Variants in USP15 observed in about 807,000 individuals in gnomAD.
The protein encoded by USP15 is ubiquitin carboxyl-terminal hydrolase 15.
A neutral mutation model predicts 127.1 loss-of-function variants in USP15; 18 were observed. The observed-to-expected ratio is 0.14, with a 90% CI of 0.10 to 0.21. The LOEUF is 0.21. USP15 is among the 10% of genes least tolerant of loss of function. The pLI is 1.00. For missense variants in USP15, 805 were observed against 1,159.9 expected, an observed-to-expected ratio of 0.69 and a Z score of 4.44; for synonymous variants, 364 against 393.7, an observed-to-expected ratio of 0.92 and a Z score of 0.89.
At position 62,392,340 on chromosome 12, in the gene USP15, C is replaced by T; in HGVS notation, c.2373C>T (p.Cys791=). 1 of 1,606,504 alleles carries T rather than the reference C, an allele frequency of 6.2e-7. No homozygotes were observed. Among genetic ancestry groups the T allele is most frequent in the Non-Finnish European group, 8.5e-7 (1 of 1,177,512 alleles). ...AACCCTTTGTGAAATTAAAAGATTG[C>T]ATTGAACTTTTTACAACAAAAGAAA... ...PKKPFVKLKD[C]IELFTTKEKL... is the part of the protein sequence containing the mutation. Residue 791 remains cysteine, a synonymous_variant, in exon 18 of 22, where the codon TGC becomes TGT. Transcript: ENST00000280377.
At chr12:62,347,715 G>A (rs1398972913) in intron 6 of USP15, among the ~76,000 whole-genome samples, 1 of 151,922 alleles carries the variant, frequency 6.6e-6, no homozygotes, top group African/African-American at 2.4e-5. Flanking sequence ...GAGAAAACTT[G>A]GTTGATTCTA....
At chr12:62,394,037 G>GC (rs1458551671) in intron 19 of USP15, among the ~76,000 whole-genome samples, 1 of 152,028 alleles carries the variant, frequency 6.6e-6, no homozygotes, top group Non-Finnish European at 1.5e-5. Context: ...TATATCTATG[G>GC]CCATACCACC....
intron 1 of USP15, among the ~76,000 whole-genome samples, chr12:62,266,658 G>A (rs970173806): frequency 2.0e-5 from 3 of 152,064 alleles, no homozygotes; most frequent in East Asian, 1.9e-4. Context: ...AGGGAAATAA[G>A]GGGAAGATAG....
At chr12:62,329,602 CAAAG>C (rs1320653022) in intron 6 of USP15, among the ~76,000 whole-genome samples, 1 of 151,558 alleles carries the variant, frequency 6.6e-6, no homozygotes, top group Non-Finnish European at 1.5e-5. Flanking sequence ...TTAACAGAAA[CAAAG>C]AACAATAGCT....
chr12:62,268,603 G>A (rs578249167), intron 1 of USP15, among the ~76,000 whole-genome samples: 7 of 152,072 alleles, frequency 4.6e-5, no homozygotes, highest in Non-Finnish European at 1.0e-4. Flanking sequence ...CCCCATTTCT[G>A]TTGTTTCAGA....
At chr12:62,311,761 G>A (rs2064687757) in intron 3 of USP15, among the ~76,000 whole-genome samples, 1 of 151,724 alleles carries the variant, frequency 6.6e-6, no homozygotes, top group Non-Finnish European at 1.5e-5. Flanking sequence ...GAATAGGAAA[G>A]ATGGAGAACT....
At chr12:62,339,974 T>C (rs1275041740) in intron 6 of USP15, among the ~76,000 whole-genome samples, 1 of 152,198 alleles carries the variant, frequency 6.6e-6, no homozygotes, top group Non-Finnish European at 1.5e-5. Context: ...CAGCTCCTCT[T>C]TGTACCTCTG....
At chr12:62,320,562 G>C (rs4145153) in intron 4 of USP15, among the ~76,000 whole-genome samples, 40,141 of 151,954 alleles carry the variant, frequency 0.26, 6,609 homozygotes, top group East Asian at 0.44. Context: ...TTTGCTTTAA[G>C]TTTTGAGATA....
chr12:62,413,661 C>G lies in USP15; in HGVS notation c.*9286C>G, dbSNP rs1056463064. ...CCTCCATAGAATTGAAGAGAGAGGG[C>G]CTTGCTCTGCGTTAGGCTTTGGCTT... is the stretch of plus-strand genomic sequence containing the variant. On this transcript the variant is annotated 3_prime_UTR_variant, in exon 22 of 22. Transcript: ENST00000280377. The G allele has an allele frequency of 6.6e-6, 1 of 152,098 alleles. No individual in the cohort carries two copies. Among genetic ancestry groups the G allele is most frequent in the Non-Finnish European group, 1.5e-5 (1 of 68,042 alleles). The allele number at this position is 152,098 out of a possible 1,614,324, so 9.4% of individuals were successfully genotyped here. A position where few individuals can be genotyped will look rare whatever the true frequency, so the allele number is the denominator to read the frequency against.
chr12:62,346,961 A>C (rs1054856561), intron 6 of USP15, among the ~76,000 whole-genome samples: 27 of 152,084 alleles, frequency 1.8e-4, no homozygotes, highest in Admixed American at 3.9e-4. Context: ...ATTGTACGTC[A>C]TTTTTAAATC....
intron 3 of USP15, among the ~76,000 whole-genome samples, chr12:62,308,210 A>G (rs1340372371): frequency 6.6e-6 from 1 of 151,978 alleles, no homozygotes; most frequent in Non-Finnish European, 1.5e-5. Flanking sequence ...GGTTGCTAAA[A>G]TGAATTGAGA....
intron 4 of USP15, among the ~76,000 whole-genome samples, chr12:62,319,709 G>GA (rs1054026593): frequency 9.9e-5 from 15 of 152,034 alleles, no homozygotes; most frequent in Admixed American, 9.8e-4. Context: ...CAATGAAGAG[G>GA]AAATTTCCAC....
chr12:62,345,378 C>T (rs2065784131), intron 6 of USP15, among the ~76,000 whole-genome samples: 1 of 152,302 alleles, frequency 6.6e-6, no homozygotes, highest in Non-Finnish European at 1.5e-5. Flanking sequence ...TCTGAGACTA[C>T]CTCAGCCTGG....
rs996331376 is a variant in USP15 at position 62,415,824 on chromosome 12, A to T, written c.*11449A>T. The T allele has an allele frequency of 1.3e-5, 2 of 152,192 alleles. No individual in the cohort carries two copies. Among genetic ancestry groups the T allele is most frequent in the African/African-American group, 4.8e-5 (2 of 41,458 alleles). The allele number at this position is 152,192 out of a possible 1,614,324, so 9.4% of individuals were successfully genotyped here. A position where few individuals can be genotyped will look rare whatever the true frequency, so the allele number is the denominator to read the frequency against. ...TGTAATTGAATATTACCTACCTTTCAGAATAATTGCAAGGTTTTGTGTCTT... is the reference window on the plus strand; with the variant it reads ...TGTAATTGAATATTACCTACCTTTCTGAATAATTGCAAGGTTTTGTGTCTT... On this transcript the variant is annotated 3_prime_UTR_variant, in exon 22 of 22. Transcript: ENST00000280377.
chr12:62,383,195 A>G (rs1157084563), intron 9 of USP15, among the ~76,000 whole-genome samples: 1 of 151,914 alleles, frequency 6.6e-6, no homozygotes, highest in Non-Finnish European at 1.5e-5. Context: ...AAACACTGAA[A>G]TAACAACTAC....
chr12:62,289,348 C>T (rs1212338010), intron 1 of USP15, among the ~76,000 whole-genome samples: 1 of 152,016 alleles, frequency 6.6e-6, no homozygotes, highest in African/African-American at 2.4e-5. Flanking sequence ...TTGTATGTTT[C>T]CAGGAGTTTA....
chr12:62,398,899 A>C (rs2067584531), intron 20 of USP15, among the ~76,000 whole-genome samples: 1 of 152,158 alleles, frequency 6.6e-6, no homozygotes, highest in African/African-American at 2.4e-5. Flanking sequence ...TTCTCCCAGC[A>C]GTTTTATTAG....
At chr12:62,316,385 A>AT (rs1482226476) in intron 4 of USP15, among the ~76,000 whole-genome samples, 16 of 152,046 alleles carry the variant, frequency 1.1e-4, no homozygotes, top group Non-Finnish European at 1.8e-4. Context: ...ATTACAGATA[A>AT]ATTGCTTGAC....
chr12:62,390,915 C>T lies in USP15; in HGVS notation c.1896C>T (p.His632=). Residue 632 remains histidine (H), a synonymous_variant, in exon 15 of 22, where the codon CAC becomes CAT. Coordinates refer to ENST00000280377, the MANE Select transcript of USP15 (RefSeq NM_001252078.2). ...TETEETEGSL[H]CCKDQNINGN... ...CTGAAGAAACTGAAGGATCCCTACA[C>T]TGCTGTAAGGACCAAAATATTAATG... The T allele has an allele frequency of 6.2e-7, 1 of 1,612,928 alleles. No individual in the cohort carries two copies. The highest frequency in any genetic ancestry group is 8.5e-7 in the Non-Finnish European group (1 of 1,179,322).
Sources: gnomAD v4.1 joint callset for allele counts (sites outside exome capture counted in the v4.1 genomes callset) on GRCh38, gnomAD v4.1.1 for gene constraint, MANE v1.5 for transcripts, NCBI Gene and HGNC (gene_info 2026-07-23, HGNC 2026-07-21) for gene names.